MASP1: variants seen among roughly 807,000 people sequenced by gnomAD.
The protein encoded by MASP1 is mannan-binding lectin serine protease 1.
In MASP1, 59 loss-of-function variants were observed where a neutral mutation model predicts 77.1. That is an observed-to-expected ratio of 0.77 (90% CI 0.62 to 0.95). MASP1 has a LOEUF of 0.95. Among genes scored for constraint, MASP1 ranks in the 40% least tolerant of loss-of-function variants. MASP1 has a pLI of 0.00. For missense variants in MASP1, 885 were observed against 912.9 expected (o/e 0.97, Z 0.39); for synonymous variants, 362 against 354.5 (o/e 1.02, Z -0.24).
At chr3:187,254,287 T>C (rs1455525125) in intron 5 of MASP1, among the ~76,000 whole-genome samples, 2 of 152,208 alleles carry the variant, frequency 1.3e-5, no homozygotes, top group African/African-American at 2.4e-5. Flanking sequence ...AATGGTAATA[T>C]AATAGATAAT....
chr3:187,224,057 A>G (rs1225579473), intron 13 of MASP1, among the ~76,000 whole-genome samples: 1 of 152,258 alleles, frequency 6.6e-6, no homozygotes, highest in Admixed American at 6.5e-5. Flanking sequence ...CTGTTGGCTC[A>G]GTTCCCCTAA....
chr3:187,282,635 T>C (rs571224246), intron 2 of MASP1, among the ~76,000 whole-genome samples: 3 of 151,908 alleles, frequency 2.0e-5, no homozygotes, highest in Non-Finnish European at 4.4e-5. Context: ...GGAGGGCAAC[T>C]CACTGGGTGT....
At position 187,223,149 on chromosome 3, in the gene MASP1, C is replaced by A. The variant is rs140576484; in HGVS notation, c.1787G>T (p.Arg596Met). Residue 596 changes from arginine (R) to methionine (M), a missense_variant, in exon 14 of 16, where the codon AGG becomes ATG. Transcript: ENST00000337774. Reference sequence around the variant, plus strand: ...CACCTCCATCAGGGTCTCTGGGAACCTTTGCAAGAACTGCTTCCCCCAGCC... The same window carrying A: ...CACCTCCATCAGGGTCTCTGGGAACATTTGCAAGAACTGCTTCCCCCAGCC... 133 of 1,614,148 alleles carry A rather than the reference C, an allele frequency of 8.2e-5. No individual in the cohort carries two copies. In the African/African-American group the frequency reaches 1.5e-3, roughly 18 times the overall value.
Position 187,235,315 on chromosome 3 carries a change from A to C in MASP1, c.*369T>G. On this transcript the variant is annotated 3_prime_UTR_variant, in exon 11 of 11. Coordinates refer to ENST00000296280, the MANE Select transcript of MASP1 (RefSeq NM_139125.4). ...GTCCAAGCTCAGTTATACCAACAGT[A>C]GGACCGATGGGTTTGATAAGTGGTC... 1 of 1,340,650 alleles carries C rather than the reference A, an allele frequency of 7.5e-7. No individual in the cohort carries two copies. Among genetic ancestry groups the C allele is most frequent in the South Asian group, 1.2e-5 (1 of 81,436 alleles). The allele number at this position is 1,340,650 out of a possible 1,614,324, so 83.0% of individuals were successfully genotyped here. A position where few individuals can be genotyped will look rare whatever the true frequency, so the allele number is the denominator to read the frequency against.
At chr3:187,242,074 G>C (rs1435255976) in intron 9 of MASP1, 1 of 169,148 alleles carries the variant, frequency 5.9e-6, no homozygotes, top group African/African-American at 2.4e-5. Flanking sequence ...AAAGACCTGG[G>C]CTCACATGGC....
At position 187,253,322 on chromosome 3, in the gene MASP1, AAT is replaced by A; in HGVS notation, c.745-9_745-8del. On this transcript the variant is annotated splice_region_variant and splice_polypyrimidine_tract_variant and intron_variant, in intron 5 of 10. Coordinates refer to ENST00000296280, the MANE Select transcript of MASP1 (RefSeq NM_139125.4). Reference sequence around the variant, plus strand: ...CTTTTGGACCAACTTTGATCTGCAAAATATGAGAGAGAGAGAGAGAAATAGAG... The same window carrying A: ...CTTTTGGACCAACTTTGATCTGCAAAATGAGAGAGAGAGAGAGAAATAGAG... 2 of 1,614,066 alleles carry A rather than the reference AAT, an allele frequency of 1.2e-6. No homozygotes were observed. Among genetic ancestry groups the A allele is most frequent in the Non-Finnish European group, 1.7e-6 (2 of 1,179,964 alleles).
rs1715121378 is a variant in MASP1, at chr3:187,256,784, C to G, written c.624G>C (p.Lys208Asn). 6.2e-7 allele frequency: 1 copy of G among 1,613,858 alleles called. No homozygotes were observed. Among genetic ancestry groups the G allele is most frequent in the Non-Finnish European group, 8.5e-7 (1 of 1,179,982 alleles). Residue 208 changes from lysine (K) to asparagine (N), a missense_variant, in exon 5 of 11, where the codon AAG (lysine) becomes AAC (asparagine). Physicochemically the swap from Lys to Asn is moderately conservative, Grantham distance 94. Transcript: ENST00000296280. ...CGATGGTATACAGGCATTCAGAGCT[C>G]TTGGGGTAAGGGTTTGGGAAGTCAG... ...TSPDFPNPYP[K>N]SSECLYTIEL...
chr3:187,262,585 CATTGGAGAAATCTGACCGGAAAGTG>C lies in MASP1; in HGVS notation c.348_372del (p.Ile116MetfsTer73). ...GCATCAAAGCCTGTGAAACGCTCCT[CATTGGAGAAATCTGACCGGAAAGTG>C]ATGGACATGAAGGAGCCAGGGGAGA... is the stretch of plus-strand genomic sequence containing the variant. On this transcript the variant is annotated frameshift_variant, in exon 3 of 11. Transcript: ENST00000296280. LOFTEE classifies it high-confidence loss of function. The C allele has an allele frequency of 6.2e-7, 1 of 1,614,170 alleles. No individual in the cohort carries two copies. The highest frequency in any genetic ancestry group is 8.5e-7 in the Non-Finnish European group (1 of 1,180,028).
At chr3:187,271,475 A>C (rs1187612880) in intron 2 of MASP1, among the ~76,000 whole-genome samples, 3 of 152,240 alleles carry the variant, frequency 2.0e-5, no homozygotes, top group Non-Finnish European at 4.4e-5. Context: ...TATCACATTA[A>C]TCGAGGGTTT....
At chr3:187,239,824 T>C (rs1288714645) in intron 10 of MASP1, among the ~76,000 whole-genome samples, 7 of 152,196 alleles carry the variant, frequency 4.6e-5, no homozygotes, top group Non-Finnish European at 2.9e-5. Flanking sequence ...CCCTTCCTAG[T>C]CAGTTCTTAC....
At chr3:187,268,042 G>A (rs547300410) in intron 2 of MASP1, among the ~76,000 whole-genome samples, 7 of 152,312 alleles carry the variant, frequency 4.6e-5, no homozygotes, top group African/African-American at 1.7e-4. Context: ...ACTAGAATAT[G>A]TGGCTTCAGT....
At position 187,234,946 on chromosome 3, in the gene MASP1, C is replaced by A; in HGVS notation, c.*738G>T. On this transcript the variant is annotated 3_prime_UTR_variant, in exon 11 of 11. Transcript: ENST00000296280. ...TGGGCCCAAATGTGTTCTGAGTTGA[C>A]AATGGGAATTTAAGGGCTTGGTGGG... 1 of 1,287,234 alleles carries A rather than the reference C, an allele frequency of 7.8e-7. No homozygotes were observed. Among genetic ancestry groups the A allele is most frequent in the Non-Finnish European group, 1.0e-6 (1 of 988,698 alleles). The allele number at this position is 1,287,234 out of a possible 1,614,324, so 79.7% of individuals were successfully genotyped here.
intron 1 of MASP1, among the ~76,000 whole-genome samples, chr3:187,288,770 C>T (rs1244769015): frequency 6.6e-6 from 1 of 152,186 alleles, no homozygotes; most frequent in Non-Finnish European, 1.5e-5. Flanking sequence ...CACTGAGCCT[C>T]CTGAGGCCGG....
chr3:187,243,209 C>T (rs1713800945), intron 9 of MASP1: 1 of 443,650 alleles, frequency 2.3e-6, no homozygotes, highest in Admixed American at 3.4e-5. Flanking sequence ...ACGCTCCCAC[C>T]AACAACTCAT....
chr3:187,260,579 G>C (rs1014198197), intron 4 of MASP1, among the ~76,000 whole-genome samples, 162 bp downstream of exon 4: 15 of 152,184 alleles, frequency 9.9e-5, no homozygotes, highest in African/African-American at 3.6e-4. Flanking sequence ...TTTCCAGGCT[G>C]GGTGGGCATT....
chr3:187,285,002 C>A (rs1188460994), intron 2 of MASP1, among the ~76,000 whole-genome samples: 1 of 152,058 alleles, frequency 6.6e-6, no homozygotes, highest in Non-Finnish European at 1.5e-5. Context: ...TTGATGAGAA[C>A]CTCTTTCAGG....
chr3:187,245,458 C>T (rs1362254507), intron 8 of MASP1, among the ~76,000 whole-genome samples: 1 of 152,158 alleles, frequency 6.6e-6, no homozygotes, highest in African/African-American at 2.4e-5. Context: ...ACTTTCACAT[C>T]ACTTCAGAGA....
At chr3:187,229,133 C>G (rs1712615099), downstream of MASP1, among the ~76,000 whole-genome samples, 1 of 152,214 alleles carries the variant, frequency 6.6e-6, no homozygotes, top group Non-Finnish European at 1.5e-5. Context: ...TTGCCTGGAC[C>G]AAACTGTGTC....
At chr3:187,224,556 C>T (rs1028263837) in intron 13 of MASP1, among the ~76,000 whole-genome samples, 18 of 151,816 alleles carry the variant, frequency 1.2e-4, no homozygotes, top group African/African-American at 2.9e-4. Context: ...CCGTTTTAGC[C>T]GGGATGGTCT....
Sources: gnomAD v4.1 joint callset for allele counts (sites outside exome capture counted in the v4.1 genomes callset) on GRCh38, gnomAD v4.1.1 for gene constraint, MANE v1.5 for transcripts, NCBI Gene and HGNC (gene_info 2026-07-23, HGNC 2026-07-21) for gene names.